BTBD9: variants seen among roughly 807,000 people sequenced by gnomAD.
BTBD9 encodes the protein BTB/POZ domain-containing protein 9.
Under a neutral mutation model 64.3 loss-of-function variants are expected in BTBD9, and 49 were observed. The observed-to-expected ratio is 0.76, with a 90% CI of 0.61 to 0.97. The LOEUF (loss-of-function observed/expected upper bound fraction) is 0.97, where lower values mean the gene tolerates loss of function less well. Ranked by LOEUF, BTBD9 falls within the 50% of genes least tolerant of loss-of-function variation. The pLI, the probability that BTBD9 is intolerant of heterozygous loss-of-function variation, is 0.00. For synonymous variants in BTBD9, 260 were observed against 274.7 expected (o/e 0.95, Z 0.53); for missense variants, 598 against 762.1 (o/e 0.78, Z 2.53).
At chr6:38,610,472 C>T (rs1056028101) in intron 1 of BTBD9, among the ~76,000 whole-genome samples, 3 of 152,086 alleles carry the variant, frequency 2.0e-5, no homozygotes, top group Admixed American at 6.5e-5. Flanking sequence ...TAATGGAAAA[C>T]GTGAGATTGA....
chr6:38,519,512 T>C (rs1773192600), intron 6 of BTBD9, among the ~76,000 whole-genome samples: 1 of 152,220 alleles, frequency 6.6e-6, no homozygotes, highest in Non-Finnish European at 1.5e-5. Flanking sequence ...CCTTGTACTG[T>C]AAAGTATACT....
intron 4 of BTBD9, chr6:38,588,386 C>T (rs1776640662): frequency 1.2e-6 from 1 of 838,110 alleles, no homozygotes. Flanking sequence ...AGAATGGCTC[C>T]AAGCCAACCT....
chr6:38,205,141 T>G lies in BTBD9; in HGVS notation c.1563-12544A>C, dbSNP rs1333144790. ...AGATGTTCCAGTAAGAAATATGATG[T>G]TCCAGAGAAAATATGAGCTAGGAAA... On this transcript the variant is annotated intron_variant, in intron 9 of 10. Coordinates refer to ENST00000481247, the MANE Select transcript of BTBD9 (RefSeq NM_001099272.2). 1.3e-5 allele frequency among the ~76,000 whole-genome samples: 2 copies of G among 152,150 alleles called. 1 individual carries two copies. Among genetic ancestry groups the G allele is most frequent in the Middle Eastern group, 6.3e-3 (2 of 316 alleles).
intron 6 of BTBD9, among the ~76,000 whole-genome samples, chr6:38,380,291 T>C (rs549158505): frequency 2.8e-4 from 42 of 152,072 alleles, no homozygotes; most frequent in Non-Finnish European, 5.9e-4. Context: ...CTAAAGGAAA[T>C]TCTGAAAGAT....
At chr6:38,448,678 T>C (rs1231102433) in intron 6 of BTBD9, among the ~76,000 whole-genome samples, 2 of 152,136 alleles carry the variant, frequency 1.3e-5, no homozygotes, top group Admixed American at 6.5e-5. Context: ...CAACCATGCC[T>C]GGCTAATTTT....
At chr6:38,195,744 A>C (rs1365268115) in intron 9 of BTBD9, among the ~76,000 whole-genome samples, 1 of 152,166 alleles carries the variant, frequency 6.6e-6, no homozygotes. Context: ...TTTAATAAAA[A>C]TTTTAAACTT....
chr6:38,487,626 G>GAGAGAAA (rs1771517360), intron 6 of BTBD9, among the ~76,000 whole-genome samples: 1 of 117,570 alleles, frequency 8.5e-6, no homozygotes, highest in Non-Finnish European at 1.8e-5. Flanking sequence ...AGAGAGAGAA[G>GAGAGAAA]GAAGGAAAGA....
At chr6:38,315,364 A>C (rs1421887813) in intron 7 of BTBD9, among the ~76,000 whole-genome samples, 2 of 152,052 alleles carry the variant, frequency 1.3e-5, no homozygotes, top group East Asian at 3.9e-4. Context: ...CTTTAAGATA[A>C]ATCATTAGGT....
At chr6:38,359,452 C>G (rs60588879) in intron 6 of BTBD9, among the ~76,000 whole-genome samples, 8,100 of 152,272 alleles carry the variant, frequency 0.053, 717 homozygotes, top group African/African-American at 0.18. Flanking sequence ...AGCTTGTCTT[C>G]TGGAGTCCCT....
intron 10 of BTBD9, among the ~76,000 whole-genome samples, chr6:38,176,609 CT>C (rs1268018222): frequency 6.6e-6 from 1 of 152,130 alleles, no homozygotes; most frequent in African/African-American, 2.4e-5. Flanking sequence ...AAATCTCCTT[CT>C]GTGGGTCCAT....
intron 4 of BTBD9, among the ~76,000 whole-genome samples, chr6:38,584,052 T>A (rs971270966): frequency 6.6e-6 from 1 of 151,338 alleles, no homozygotes; most frequent in Non-Finnish European, 1.5e-5. Context: ...GCTGGCTGGG[T>A]ACAGTGGCTC....
Position 38,256,487 on chromosome 6 carries a change from C to G in BTBD9, c.1484G>C (p.Ser495Thr). ...AGAAACCTCAACGTAGTAGCTATAG[C>G]TTCGATCATCACAATCCCAAAGTAG... ...RLLLWDCDDR[S>T]YSYYVEVSTN... The change falls in exon 9 of 11, where the codon AGC becomes ACC. Residue 495 changes from serine to threonine, a missense_variant. Transcript: ENST00000481247. 1 of 1,613,884 alleles carries G rather than the reference C, an allele frequency of 6.2e-7. No individual in the cohort carries two copies. The highest frequency in any genetic ancestry group is 8.5e-7 in the Non-Finnish European group (1 of 1,179,806).
chr6:38,524,874 C>T (rs1773417763), intron 6 of BTBD9, among the ~76,000 whole-genome samples: 1 of 152,100 alleles, frequency 6.6e-6, no homozygotes, highest in African/African-American at 2.4e-5. Flanking sequence ...GTCCTTCCTT[C>T]CTCTCTTTAT....
intron 2 of BTBD9, among the ~76,000 whole-genome samples, chr6:38,594,650 C>G (rs1776961513): frequency 6.6e-6 from 1 of 152,010 alleles, no homozygotes; most frequent in Admixed American, 6.6e-5. Context: ...TGTTAAAGGT[C>G]AATAAGGCAA....
chr6:38,637,139 C>T (rs1431128833), intron 1 of BTBD9, among the ~76,000 whole-genome samples: 2 of 152,222 alleles, frequency 1.3e-5, no homozygotes, highest in Admixed American at 1.3e-4. Flanking sequence ...AAGCACTCTA[C>T]TCCCCCAGCA....
At chr6:38,558,746 T>C (rs1446475411) in intron 6 of BTBD9, among the ~76,000 whole-genome samples, 2 of 152,216 alleles carry the variant, frequency 1.3e-5, no homozygotes, top group Non-Finnish European at 2.9e-5. Context: ...TGCTTCATCA[T>C]GGGGAATTAA....
intron 6 of BTBD9, among the ~76,000 whole-genome samples, chr6:38,455,205 ATGTACT>A: frequency 6.6e-6 from 1 of 152,348 alleles, no homozygotes; most frequent in East Asian, 1.9e-4. Context: ...GCAGAGACTC[ATGTACT>A]TACCACCACA....
intron 6 of BTBD9, among the ~76,000 whole-genome samples, chr6:38,469,477 G>A (rs1582481191): frequency 1.3e-5 from 2 of 151,940 alleles, no homozygotes; most frequent in African/African-American, 4.8e-5. Context: ...ATGCCACCAC[G>A]CCTGGCTAAT....
chr6:38,536,252 ATGCCATTCAAAAC>A (rs1774016901), intron 6 of BTBD9, among the ~76,000 whole-genome samples: 1 of 152,176 alleles, frequency 6.6e-6, no homozygotes, highest in African/African-American at 2.4e-5. Context: ...CACCAGAAAA[ATGCCATTCAAAAC>A]TGAAATGAGG....
Sources: gnomAD v4.1 joint callset for allele counts (sites outside exome capture counted in the v4.1 genomes callset) on GRCh38, gnomAD v4.1.1 for gene constraint, MANE v1.5 for transcripts, NCBI Gene and HGNC (gene_info 2026-07-23, HGNC 2026-07-21) for gene names.